Variants in SLC12A2 observed in about 807,000 individuals in gnomAD.
SLC12A2 encodes the protein solute carrier family 12 member 2.
A neutral mutation model predicts 136.3 loss-of-function variants in SLC12A2; 67 were observed. That is an observed-to-expected ratio of 0.49 (90% CI 0.40 to 0.60). The LOEUF is 0.60. Among genes scored for constraint, SLC12A2 ranks in the 20% least tolerant of loss-of-function variants. SLC12A2 has a pLI of 0.00. For synonymous variants in SLC12A2, 619 were observed against 562.9 expected (o/e 1.10, Z -1.41); for missense variants, 1,322 against 1,534.7 (o/e 0.86, Z 2.32).
In SLC12A2 at chr5:128,188,938, T is replaced by TTAAG. The variant is rs1406086831; in HGVS notation, c.*2309_*2312dup. 3.3e-5 allele frequency: 5 copies of TTAAG among 152,084 alleles called. No homozygotes were observed. Among genetic ancestry groups the TTAAG allele is most frequent in the African/African-American group, 7.3e-5 (3 of 41,270 alleles). 9.4% of individuals were successfully genotyped at this position (152,084 alleles called of 1,614,324 possible). A position where few individuals can be genotyped will look rare whatever the true frequency, so the allele number is the denominator to read the frequency against. ...ACACTTACCTTTTTTTTTTTTTTTT[T>TTAAG]TAAGTTTTTCCCATTCAGGAAAACA... is the stretch of plus-strand genomic sequence containing the variant. On this transcript the variant is annotated 3_prime_UTR_variant, in exon 27 of 27. Transcript: ENST00000262461.
chr5:128,184,658 AAAAT>A, intron 25 of SLC12A2, 127 bp from the exon 26 acceptor site: 1 of 1,476,400 alleles, frequency 6.8e-7, no homozygotes, highest in Non-Finnish European at 9.2e-7. Flanking sequence ...AAAAAAAATA[AAAAT>A]AGAGAACAGA....
Position 128,132,546 on chromosome 5 carries a change from C to G in SLC12A2, c.1188+1340C>G, listed in dbSNP as rs528251121. Among the ~76,000 whole-genome samples, 59 of 152,206 alleles carry G rather than the reference C, an allele frequency of 3.9e-4. 1 individual carries two copies. The South Asian group carries it at 0.012, about 31-fold the overall frequency. Reference sequence around the variant, plus strand: ...TATCCAAATAGAGCTGGCTGTATTGCTCTGGAGTATAATTAAAGAAGAGTG... The same window carrying G: ...TATCCAAATAGAGCTGGCTGTATTGGTCTGGAGTATAATTAAAGAAGAGTG... On this transcript the variant is annotated intron_variant, in intron 5 of 26. Transcript: ENST00000262461.
intron 19 of SLC12A2, 132 bp from the exon 20 acceptor site, chr5:128,174,409 A>G (rs1763478330): frequency 1.6e-6 from 1 of 622,198 alleles, no homozygotes; most frequent in Non-Finnish European, 2.7e-6. Flanking sequence ...ACAGATTATC[A>G]TAGTTGTTTA....
chr5:128,112,748 T>G (rs1488755074), intron 1 of SLC12A2, 66 bp from the exon 2 acceptor site: 5 of 1,266,524 alleles, frequency 3.9e-6, no homozygotes, highest in Non-Finnish European at 4.5e-6. Flanking sequence ...TTAGTTATGT[T>G]TGTTTTTATC....
At chr5:128,162,040 T>A (rs979998972) in intron 17 of SLC12A2, among the ~76,000 whole-genome samples, 1 of 152,152 alleles carries the variant, frequency 6.6e-6, no homozygotes, top group Non-Finnish European at 1.5e-5. Flanking sequence ...AAATGTTGTG[T>A]TGTTCTGTGT....
intron 1 of SLC12A2, among the ~76,000 whole-genome samples, chr5:128,098,440 A>T (rs1451422029): frequency 1.3e-5 from 2 of 150,330 alleles, no homozygotes; most frequent in African/African-American, 4.9e-5. Flanking sequence ...TGAATTTAAC[A>T]TATGGGCCAC....
At position 128,084,133 on chromosome 5, in the gene SLC12A2, G is replaced by A. The variant is rs924402922; in HGVS notation, c.179G>A (p.Gly60Asp). The A allele has an allele frequency of 4.6e-6, 6 of 1,296,692 alleles. No homozygotes were observed. Among genetic ancestry groups the A allele is most frequent in the African/African-American group, 3.1e-5 (2 of 64,408 alleles). The allele number at this position is 1,296,692 out of a possible 1,614,324, so 80.3% of individuals were successfully genotyped here. Residue 60 changes from glycine to aspartate, a missense_variant, in exon 1 of 27, where the codon GGC (glycine) becomes GAC (aspartate). Gly to Asp is a moderately conservative substitution (Grantham distance 94). Around this residue, in one of 8 missense-constraint regions of SLC12A2, gnomAD observed 358 missense variants for 299.7 expected, o/e 1.19. Coordinates refer to ENST00000262461, the MANE Select transcript of SLC12A2 (RefSeq NM_001046.3). The surrounding 1 kb of genome is among the most constrained non-coding windows in gnomAD (Gnocchi z 5.6). ...SRDGGGVRDE[G>D]PAAAGDGLGR... ...GACGGCGGCGGGGTCCGCGATGAGGGCCCCGCGGCGGCCGGGGACGGGCTG... is the reference window on the plus strand; with the variant it reads ...GACGGCGGCGGGGTCCGCGATGAGGACCCCGCGGCGGCCGGGGACGGGCTG...
At chr5:128,172,184 T>G (rs1366344914) in intron 19 of SLC12A2, among the ~76,000 whole-genome samples, 1 of 152,214 alleles carries the variant, frequency 6.6e-6, no homozygotes, top group Non-Finnish European at 1.5e-5. Flanking sequence ...TCAGCAGACC[T>G]AATAAATTTT....
chr5:128,171,539 T>C, intron 18 of SLC12A2, 128 bp from the exon 19 acceptor site: 1 of 650,380 alleles, frequency 1.5e-6, no homozygotes, highest in African/African-American at 1.9e-5. Context: ...TCAAAGCATG[T>C]TTTAAAAATC....
At chr5:128,156,519 T>G (rs1235968317) in intron 15 of SLC12A2, among the ~76,000 whole-genome samples, 1 of 152,188 alleles carries the variant, frequency 6.6e-6, no homozygotes, top group Non-Finnish European at 1.5e-5. Context: ...TCTTTGTGGT[T>G]TATTGTTTAG....
Position 128,109,624 on chromosome 5 carries a change from G to T in SLC12A2, c.757-3190G>T, listed in dbSNP as rs867270109. 6.5e-6 allele frequency: 5 copies of T among 772,436 alleles called. No homozygotes were observed. The Middle Eastern group carries it at 7.2e-4, about 111-fold the overall frequency. 47.8% of individuals were successfully genotyped at this position (772,436 alleles called of 1,614,324 possible). The stretch of plus-strand genomic sequence containing the variant: ...AAGCAGACATCGTCCTTCCTACCCA[G>T]TATTTCTATATTCAGACAGTGGATA... On this transcript the variant is annotated intron_variant, in intron 1 of 26. Transcript: ENST00000262461.
At chr5:128,120,881 TAAA>T (rs1761548454) in intron 4 of SLC12A2, among the ~76,000 whole-genome samples, 1 of 151,998 alleles carries the variant, frequency 6.6e-6, no homozygotes. Flanking sequence ...ATAAAATAAA[TAAA>T]AATTAATGTT....
chr5:128,150,895 A>G (rs571861991), intron 13 of SLC12A2, among the ~76,000 whole-genome samples: 167 of 152,092 alleles, frequency 1.1e-3, no homozygotes, highest in Non-Finnish European at 1.9e-3. Flanking sequence ...CCTAGTTACT[A>G]CTAAGGATTC....
At chr5:128,153,895 G>A (rs1762789456) in intron 15 of SLC12A2, among the ~76,000 whole-genome samples, 1 of 152,024 alleles carries the variant, frequency 6.6e-6, no homozygotes, top group African/African-American at 2.4e-5. Flanking sequence ...GACAGAAATG[G>A]AGAAGAAGGA....
At chr5:128,106,975 G>A (rs1025823949) in intron 1 of SLC12A2, among the ~76,000 whole-genome samples, 2 of 151,972 alleles carry the variant, frequency 1.3e-5, no homozygotes, top group Non-Finnish European at 2.9e-5. Flanking sequence ...ATACTTGGAG[G>A]TTATATATTT....
intron 24 of SLC12A2, among the ~76,000 whole-genome samples, chr5:128,183,678 C>T (rs1358868580): frequency 6.6e-6 from 1 of 151,908 alleles, no homozygotes; most frequent in African/African-American, 2.4e-5. Context: ...TTAGTGTCTG[C>T]CCTTTTCCCC....
chr5:128,097,265 T>A (rs940393782), intron 1 of SLC12A2, among the ~76,000 whole-genome samples: 1 of 152,082 alleles, frequency 6.6e-6, no homozygotes, highest in African/African-American at 2.4e-5. Context: ...ACCCTTAACC[T>A]TTTTGCATTT....
chr5:128,166,460 ATG>A lies in SLC12A2; in HGVS notation c.2617-1281_2617-1280del, dbSNP rs147416302. Among the ~76,000 whole-genome samples, 1,194 of 149,856 alleles carry A rather than the reference ATG, an allele frequency of 8.0e-3. 5 individuals carry two copies. Among genetic ancestry groups the A allele is most frequent in the Non-Finnish European group, 0.011 (724 of 67,070 alleles). On this transcript the variant is annotated intron_variant, in intron 17 of 26. Transcript: ENST00000262461. ...TCCCAACAGATGAATGGATAAACAA[ATG>A]TGTGTGTGTGTGTGTGTGTTTGTGT... is the stretch of plus-strand genomic sequence containing the variant.
In SLC12A2 at chr5:128,148,904, G is replaced by A. The variant is rs144811657; in HGVS notation, c.2005+27G>A. The A allele has an allele frequency of 2.2e-4, 346 of 1,554,128 alleles. 1 individual carries two copies. The African/African-American group carries it at 4.6e-3, about 21-fold the overall frequency. On this transcript the variant is annotated intron_variant, in intron 12 of 26. Coordinates refer to ENST00000262461, the MANE Select transcript of SLC12A2 (RefSeq NM_001046.3). Reference sequence around the variant, plus strand: ...TTAGTTATATAAATGGTGTGTTATTGTAGATTTTTGGTGCATATTAGTTCT... The same window carrying A: ...TTAGTTATATAAATGGTGTGTTATTATAGATTTTTGGTGCATATTAGTTCT...
Sources: gnomAD v4.1 joint callset for allele counts (sites outside exome capture counted in the v4.1 genomes callset) on GRCh38, gnomAD v4.1.1 for gene constraint, gnomAD v4.1.1 regional missense constraint, Gnocchi (gnomAD v3.1) non-coding constraint, MANE v1.5 for transcripts, NCBI Gene and HGNC (gene_info 2026-07-23, HGNC 2026-07-21) for gene names.